Variants in SGMS2 observed in about 807,000 individuals in gnomAD.
SGMS2 encodes phosphatidylcholine:ceramide cholinephosphotransferase 2.
A neutral mutation model predicts 43.8 loss-of-function variants in SGMS2; 21 were observed. The observed-to-expected ratio is 0.48, with a 90% confidence interval of 0.34 to 0.69. The LOEUF is 0.69. SGMS2 is among the 30% of genes least tolerant of loss of function. SGMS2 has a pLI of 0.01. For missense variants in SGMS2, 384 were observed against 443.2 expected (o/e 0.87, Z 1.20); for synonymous variants, 167 against 160.6 (o/e 1.04, Z -0.30).
intron 1 of SGMS2, among the ~76,000 whole-genome samples, chr4:107,833,526 G>T (rs1462434679): frequency 6.6e-6 from 1 of 152,086 alleles, no homozygotes; most frequent in Admixed American, 6.5e-5. Context: ...GTCACATGAT[G>T]GGTCGTAGTT....
In SGMS2 at chr4:107,825,198, C is replaced by T. The variant is rs1560623216; in HGVS notation, c.-382C>T. 1.3e-5 allele frequency: 2 copies of T among 152,768 alleles called. No homozygotes were observed. Among genetic ancestry groups the T allele is most frequent in the African/African-American group, 2.4e-5 (1 of 41,466 alleles). 9.5% of individuals were successfully genotyped at this position (152,768 alleles called of 1,614,324 possible). On this transcript the variant is annotated 5_prime_UTR_variant, in exon 1 of 7. Coordinates refer to ENST00000690982, the MANE Select transcript of SGMS2 (RefSeq NM_001375905.1). ...CGGGCTCCATCCCCTGGCAAATCCC[C>T]TTCCCGGGAGCAAGTGCCTTCAGCT...
intron 1 of SGMS2, among the ~76,000 whole-genome samples, chr4:107,835,275 T>C (rs763008662): frequency 2.0e-5 from 3 of 152,088 alleles, no homozygotes; most frequent in African/African-American, 4.8e-5. Context: ...GGGGAAGAGA[T>C]TGTCTTGTGT....
chr4:107,898,707 G>A (rs1730876673), intron 3 of SGMS2, among the ~76,000 whole-genome samples: 1 of 152,144 alleles, frequency 6.6e-6, no homozygotes, highest in African/African-American at 2.4e-5. Context: ...AGATACCCAT[G>A]AGGCAATGGT....
At chr4:107,848,941 G>A (rs1029979423) in intron 1 of SGMS2, among the ~76,000 whole-genome samples, 3 of 151,792 alleles carry the variant, frequency 2.0e-5, no homozygotes, top group African/African-American at 7.3e-5. Context: ...CATGCTTTTG[G>A]TGTTACATCT....
intron 1 of SGMS2, among the ~76,000 whole-genome samples, chr4:107,845,578 G>T (rs536221038): frequency 1.4e-4 from 21 of 152,192 alleles, no homozygotes; most frequent in Non-Finnish European, 2.5e-4. Context: ...GAGAAACCTG[G>T]CTTGTAGTGT....
chr4:107,843,431 T>C (rs1726632996), intron 1 of SGMS2, among the ~76,000 whole-genome samples: 1 of 152,226 alleles, frequency 6.6e-6, no homozygotes, highest in Admixed American at 6.5e-5. Context: ...AATAGTTTCT[T>C]AATATGGAAT....
chr4:107,903,158 A>G, intron 4 of SGMS2, 75 bp from the exon 5 acceptor site: 1 of 1,425,610 alleles, frequency 7.0e-7, no homozygotes, highest in East Asian at 2.3e-5. Flanking sequence ...GTCCTTTCTA[A>G]GAGTCACACA....
At chr4:107,841,240 T>C (rs1347744157) in intron 1 of SGMS2, among the ~76,000 whole-genome samples, 3 of 152,166 alleles carry the variant, frequency 2.0e-5, no homozygotes, top group African/African-American at 7.2e-5. Flanking sequence ...GTGAGACTCA[T>C]TAAGTAATTT....
chr4:107,874,272 A>G (rs1728755426), intron 2 of SGMS2, among the ~76,000 whole-genome samples: 1 of 152,158 alleles, frequency 6.6e-6, no homozygotes. Flanking sequence ...AGGGGGCATT[A>G]CTTTAGTAGA....
At chr4:107,850,679 T>C (rs1727088266) in intron 1 of SGMS2, among the ~76,000 whole-genome samples, 1 of 152,200 alleles carries the variant, frequency 6.6e-6, no homozygotes, top group African/African-American at 2.4e-5. Context: ...GCCTCTGACC[T>C]TGCATGACTT....
chr4:107,825,620 C>CTTTTTTTT (rs201101875), intron 1 of SGMS2, among the ~76,000 whole-genome samples: 3 of 116,274 alleles, frequency 2.6e-5, no homozygotes, highest in African/African-American at 1.1e-4. Flanking sequence ...TTTTCTTTCT[C>CTTTTTTTT]TTTTTTTTTT....
intron 2 of SGMS2, among the ~76,000 whole-genome samples, chr4:107,862,772 C>T (rs1030325792): frequency 1.3e-5 from 2 of 152,128 alleles, no homozygotes; most frequent in Non-Finnish European, 2.9e-5. Context: ...GCCTTATATC[C>T]GACTGTACCT....
chr4:107,874,355 C>T (rs1222092976), intron 2 of SGMS2, among the ~76,000 whole-genome samples: 1 of 152,124 alleles, frequency 6.6e-6, no homozygotes, highest in East Asian at 1.9e-4. Flanking sequence ...CAGTTGGTCA[C>T]AAATGGAAAT....
At chr4:107,897,994 G>C (rs1730815481) in intron 3 of SGMS2, among the ~76,000 whole-genome samples, 1 of 152,150 alleles carries the variant, frequency 6.6e-6, no homozygotes, top group African/African-American at 2.4e-5. Context: ...ATGCTGGAAT[G>C]AATGTAATTG....
chr4:107,870,559 C>T (rs1728487597), intron 2 of SGMS2, among the ~76,000 whole-genome samples: 1 of 152,062 alleles, frequency 6.6e-6, no homozygotes, highest in South Asian at 2.1e-4. Flanking sequence ...TTAAAGATAC[C>T]CGCCATTAAC....
intron 2 of SGMS2, among the ~76,000 whole-genome samples, chr4:107,872,124 G>A (rs1728595036): frequency 2.6e-5 from 4 of 152,124 alleles, no homozygotes; most frequent in Admixed American, 2.0e-4. Context: ...AGTTATATTA[G>A]TACAGGTTTC....
intron 1 of SGMS2, among the ~76,000 whole-genome samples, chr4:107,843,041 G>C (rs1017060121): frequency 1.3e-5 from 2 of 152,114 alleles, no homozygotes; most frequent in Non-Finnish European, 2.9e-5. Flanking sequence ...CCTACTTTGA[G>C]ATGGCCCTAT....
intron 3 of SGMS2, among the ~76,000 whole-genome samples, chr4:107,899,058 C>G (rs912715796): frequency 1.3e-5 from 2 of 151,984 alleles, no homozygotes; most frequent in African/African-American, 4.8e-5. Context: ...TCAAATAAAC[C>G]CTGCTTATAT....
chr4:107,912,662 T>A lies in SGMS2; in HGVS notation c.*2109T>A, dbSNP rs1055130774. ...GTGTCTGGATAACTCACTTTTCATCTATTGAATAAGAAAAAGTGTTTAAAC... is the reference window on the plus strand; with the variant it reads ...GTGTCTGGATAACTCACTTTTCATCAATTGAATAAGAAAAAGTGTTTAAAC... On this transcript the variant is annotated 3_prime_UTR_variant, in exon 7 of 7. Transcript: ENST00000690982. The A allele has an allele frequency of 6.6e-6, 1 of 152,208 alleles. No individual in the cohort carries two copies. Among genetic ancestry groups the A allele is most frequent in the African/African-American group, 2.4e-5 (1 of 41,456 alleles). The allele number at this position is 152,208 out of a possible 1,614,324, so 9.4% of individuals were successfully genotyped here. A position where few individuals can be genotyped will look rare whatever the true frequency, so the allele number is the denominator to read the frequency against.
Sources: allele counts gnomAD v4.1 joint callset (sites outside exome capture counted in the v4.1 genomes callset), GRCh38; gene constraint gnomAD v4.1.1; transcripts MANE v1.5; gene names NCBI Gene and HGNC (gene_info 2026-07-23, HGNC 2026-07-21).